CNNM3: variants seen among roughly 807,000 people sequenced by gnomAD.
CNNM3 encodes the protein metal transporter CNNM3.
A neutral mutation model predicts 57.1 loss-of-function variants in CNNM3; 47 were observed. The observed-to-expected ratio is 0.82, with a 90% CI of 0.65 to 1.05. CNNM3 has a LOEUF of 1.05. CNNM3 is among the 50% of genes least tolerant of loss of function. CNNM3 has a pLI of 0.00. For synonymous variants in CNNM3, 507 were observed against 478.2 expected, an observed-to-expected ratio of 1.06 and a Z score of -0.79; for missense variants, 957 against 973.7, an observed-to-expected ratio of 0.98 and a Z score of 0.23.
chr2:96,816,878 C>T lies in CNNM3; in HGVS notation c.601C>T (p.Leu201=). Reference sequence around the variant, plus strand: ...CTGCGCCTTGGGCGCGCTGCTGCTGCTGGCCAGCCTGGCGCAGGCGGCGCT... The same window carrying T: ...CTGCGCCTTGGGCGCGCTGCTGCTGTTGGCCAGCCTGGCGCAGGCGGCGCT... ...AGCALGALLL[L]ASLAQAALAV... The change falls in exon 1 of 8, where the codon CTG becomes TTG. Residue 201 remains leucine (L), a synonymous_variant. Transcript: ENST00000305510. 1.3e-5 allele frequency: 14 copies of T among 1,100,770 alleles called. No homozygotes were observed. Among genetic ancestry groups the T allele is most frequent in the Non-Finnish European group, 1.4e-5 (13 of 907,538 alleles). 68.2% of individuals were successfully genotyped at this position (1,100,770 alleles called of 1,614,324 possible). A position where few individuals can be genotyped will look rare whatever the true frequency, so the allele number is the denominator to read the frequency against.
chr2:96,832,284 C>T, intron 7 of CNNM3: 2 of 985,374 alleles, frequency 2.0e-6, no homozygotes, highest in Non-Finnish European at 1.2e-6. Context: ...CTGTATCGTC[C>T]CGGGAAGGTG....
chr2:96,831,165 C>T (rs2079596375), intron 7 of CNNM3, among the ~76,000 whole-genome samples: 1 of 152,160 alleles, frequency 6.6e-6, no homozygotes, highest in Non-Finnish European at 1.5e-5. Flanking sequence ...ATGGATTATT[C>T]TCTAGACACA....
At chr2:96,818,382 C>T (rs2079357076) in intron 1 of CNNM3, among the ~76,000 whole-genome samples, 1 of 145,890 alleles carries the variant, frequency 6.9e-6, no homozygotes, top group Non-Finnish European at 1.5e-5. Context: ...TGTGCCCGGC[C>T]CTTTTTTTTT....
chr2:96,828,220 G>A (rs770595580), intron 5 of CNNM3, 25 bp downstream of exon 5: 2 of 1,570,178 alleles, frequency 1.3e-6, no homozygotes, highest in Admixed American at 3.3e-5. Context: ...TGCTGATGCT[G>A]AGGGCCAGGG....
chr2:96,817,576 A>G, intron 1 of CNNM3, 74 bp downstream of exon 1: 1 of 1,452,652 alleles, frequency 6.9e-7, no homozygotes, highest in Non-Finnish European at 9.5e-7. Context: ...AGAGTTATGG[A>G]AGCCTTCTGG....
chr2:96,837,406 T>C (rs1378225875), downstream of CNNM3: 1 of 152,264 alleles, frequency 6.6e-6, no homozygotes, highest in Non-Finnish European at 1.5e-5. Flanking sequence ...TTGCATATTT[T>C]GTTAGATTTA....
chr2:96,837,158 T>C (rs1005967891), downstream of CNNM3: 9 of 152,256 alleles, frequency 5.9e-5, no homozygotes, highest in African/African-American at 2.2e-4. Flanking sequence ...TGATTCCTCC[T>C]CTCACTCTAT....
chr2:96,826,733 CT>C (rs916635956), intron 2 of CNNM3, 99 bp from the exon 3 acceptor site: 26 of 1,441,160 alleles, frequency 1.8e-5, no homozygotes, highest in Non-Finnish European at 2.4e-5. Flanking sequence ...CGAGGACCCC[CT>C]GGCCTCAGGA....
chr2:96,827,762 T>C lies in CNNM3; in HGVS notation c.1551T>C (p.Ser517=). Residue 517 remains serine, a synonymous_variant, in exon 4 of 8, where the codon TCT becomes TCC. Coordinates refer to ENST00000305510, the MANE Select transcript of CNNM3 (RefSeq NM_017623.5). Reference sequence around the variant, plus strand: ...ATGTATTCAGCCCGCTGCGCATCTCTGAGAAGGTCCTGCTGCACCTGTTGA... The same window carrying C: ...ATGTATTCAGCCCGCTGCGCATCTCCGAGAAGGTCCTGCTGCACCTGTTGA... ...EVDVFSPLRI[S]EKVLLHLLKH... is the part of the protein sequence containing the mutation. 1 of 1,614,128 alleles carries C rather than the reference T, an allele frequency of 6.2e-7. No homozygotes were observed. Among genetic ancestry groups the C allele is most frequent in the East Asian group, 2.2e-5 (1 of 44,884 alleles).
intron 1 of CNNM3, among the ~76,000 whole-genome samples, chr2:96,817,921 G>A (rs548344027): frequency 2.6e-4 from 39 of 152,296 alleles, no homozygotes; most frequent in Admixed American, 3.9e-4. Context: ...CTGGGATATT[G>A]TTGTGTGCAC....
In CNNM3 at chr2:96,833,129, T is replaced by C. The variant is rs2079634212; in HGVS notation, c.*513T>C. The C allele has an allele frequency of 2.7e-6, 2 of 736,252 alleles. No individual in the cohort carries two copies. Among genetic ancestry groups the C allele is most frequent in the South Asian group, 3.2e-5 (2 of 62,708 alleles). The allele number at this position is 736,252 out of a possible 1,614,324, so 45.6% of individuals were successfully genotyped here. On this transcript the variant is annotated 3_prime_UTR_variant, in exon 8 of 8. Coordinates refer to ENST00000305510, the MANE Select transcript of CNNM3 (RefSeq NM_017623.5). Reference sequence around the variant, plus strand: ...CGATGGCCTTGTCCATGTTGTCCTTTCTGGCTTCCCTGATGGTGTCATGTT... The same window carrying C: ...CGATGGCCTTGTCCATGTTGTCCTTCCTGGCTTCCCTGATGGTGTCATGTT...
intron 2 of CNNM3, among the ~76,000 whole-genome samples, chr2:96,826,579 G>A (rs2079508723): frequency 6.6e-6 from 1 of 152,206 alleles, no homozygotes; most frequent in Non-Finnish European, 1.5e-5. Context: ...TTTTATACAA[G>A]CTGCTTTGTT....
Position 96,828,636 on chromosome 2 carries a change from C to T in CNNM3, c.1856C>T (p.Thr619Met), listed in dbSNP as rs148563074. Residue 619 changes from threonine to methionine, a missense_variant, in exon 6 of 8, where the codon ACG (threonine) becomes ATG (methionine). Physicochemically the swap from Thr to Met is moderately conservative, Grantham distance 81. Around this residue, in one of 2 missense-constraint regions of CNNM3, gnomAD observed 491 missense variants for 570.6 expected, o/e 0.86. Transcript: ENST00000305510. ...HDLQPDPGDG[T>M]HSSAYCPDYT... is the part of the protein sequence containing the mutation. The stretch of plus-strand genomic sequence containing the variant: ...CTGCAGCCCGACCCAGGTGACGGCA[C>T]GCATTCATCTGCGTATTGTCCCGAC... 1,199 of 1,614,028 alleles carry T rather than the reference C, an allele frequency of 7.4e-4. 2 individuals carry two copies. Among genetic ancestry groups the T allele is most frequent in the Middle Eastern group, 9.9e-4 (6 of 6,082 alleles).
chr2:96,823,813 C>G (rs1203384875), intron 1 of CNNM3, among the ~76,000 whole-genome samples: 1 of 152,206 alleles, frequency 6.6e-6, no homozygotes, highest in Non-Finnish European at 1.5e-5. Flanking sequence ...ATGAGTTGCT[C>G]CCATCCCCCT....
intron 3 of CNNM3, 95 bp downstream of exon 3, chr2:96,827,077 C>A: frequency 1.4e-6 from 2 of 1,419,758 alleles, no homozygotes; most frequent in Non-Finnish European, 1.9e-6. Flanking sequence ...CTCCCCACTC[C>A]TAGCAGGCGG....
At chr2:96,820,810 G>A (rs2079393291) in intron 1 of CNNM3, among the ~76,000 whole-genome samples, 1 of 152,230 alleles carries the variant, frequency 6.6e-6, no homozygotes, top group African/African-American at 2.4e-5. Context: ...GTGGGACAGG[G>A]GAGGAGGCCT....
At chr2:96,819,212 G>C (rs758068183) in intron 1 of CNNM3, among the ~76,000 whole-genome samples, 1 of 152,176 alleles carries the variant, frequency 6.6e-6, no homozygotes, top group Non-Finnish European at 1.5e-5. Context: ...ACAGAGCCTC[G>C]CGGTGGTAAG....
At chr2:96,824,194 T>A (rs1272583910) in intron 1 of CNNM3, among the ~76,000 whole-genome samples, 1 of 152,170 alleles carries the variant, frequency 6.6e-6, no homozygotes. Flanking sequence ...TCCCCAGCAT[T>A]CCCCAGCACT....
At chr2:96,828,832 G>T in intron 6 of CNNM3, 132 bp downstream of exon 6, 1 of 1,480,854 alleles carries the variant, frequency 6.8e-7, no homozygotes, top group South Asian at 1.3e-5. Flanking sequence ...TTTGCACCCA[G>T]TTTCCAAGCA....
Sources: gnomAD v4.1 joint callset for allele counts (sites outside exome capture counted in the v4.1 genomes callset) on GRCh38, gnomAD v4.1.1 for gene constraint, gnomAD v4.1.1 regional missense constraint, MANE v1.5 for transcripts, NCBI Gene and HGNC (gene_info 2026-07-23, HGNC 2026-07-21) for gene names.